MPZ: variants seen among roughly 807,000 people sequenced by gnomAD.
MPZ encodes myelin protein zero, also known as myelin protein P0.
In MPZ, 13 loss-of-function variants were observed where a neutral mutation model predicts 27.9. The observed-to-expected ratio is 0.47, with a 90% CI of 0.30 to 0.74. The LOEUF is 0.74. Ranked by LOEUF, MPZ falls within the 30% of genes least tolerant of loss-of-function variation. The probability of loss-of-function intolerance (pLI) is 0.06; values close to 1 mark genes in which losing one functional copy is unlikely to be tolerated. For synonymous variants in MPZ, 118 were observed against 128.9 expected (o/e 0.92, Z 0.57); for missense variants, 256 against 317.5 (o/e 0.81, Z 1.47).
At chr1:161,307,014 CAA>C (rs34621933) in intron 2 of MPZ, 93 bp from the exon 3 acceptor site, 14,330 of 217,998 alleles carry the variant, frequency 0.066, 11 homozygotes, top group African/African-American at 0.1. Flanking sequence ...AAGAAAAAAG[CAA>C]AAAAAAAAAA....
chr1:161,305,998 TCA>T (rs781604446), intron 5 of MPZ, 21 bp from the exon 6 acceptor site: 4 of 1,610,958 alleles, frequency 2.5e-6, no homozygotes, highest in Non-Finnish European at 8.5e-7. Context: ...GGCGCACACA[TCA>T]GTCACCGAGC....
rs1216096241 is a variant in MPZ, at chr1:161,304,913, TTTC to T, written c.*960_*962del. 2.4e-5 allele frequency: 3 copies of T among 127,298 alleles called. No homozygotes were observed. The highest frequency in any genetic ancestry group is 8.7e-5 in the African/African-American group (3 of 34,436). 7.9% of individuals were successfully genotyped at this position (127,298 alleles called of 1,614,324 possible). ...TTTTTGTTTGGTTGTTTAAAAACCATTTCTTAAGGCTCATTTGCCCCCTCCCCC... is the reference window on the plus strand; with the variant it reads ...TTTTTGTTTGGTTGTTTAAAAACCATTTAAGGCTCATTTGCCCCCTCCCCC... On this transcript the variant is annotated 3_prime_UTR_variant, in exon 6 of 6. Transcript: ENST00000533357.
intron 1 of MPZ, among the ~76,000 whole-genome samples, 196 bp downstream of exon 1, chr1:161,309,643 T>C (rs1332100870): frequency 6.6e-6 from 1 of 150,584 alleles, no homozygotes; most frequent in East Asian, 1.9e-4. Flanking sequence ...TATCCCACCT[T>C]GGCCTCCCAA....
At chr1:161,309,552 A>ATATATATATATATATATTTTTTTT in intron 1 of MPZ, among the ~76,000 whole-genome samples, 2 of 80,638 alleles carry the variant, frequency 2.5e-5, no homozygotes, top group African/African-American at 1.2e-4. Context: ...ATATATATAT[A>ATATATATATATATATATTTTTTTT]TTTTTTTTTT....
Position 161,309,917 on chromosome 1 carries a change from G to A in MPZ, c.-12C>T, listed in dbSNP as rs1670363798. 1.3e-6 allele frequency: 2 copies of A among 1,581,298 alleles called. No homozygotes were observed. The highest frequency in any genetic ancestry group is 1.3e-5 in the African/African-American group (1 of 74,732). On this transcript the variant is annotated 5_prime_UTR_variant, in exon 1 of 6. Coordinates refer to ENST00000533357, the MANE Select transcript of MPZ (RefSeq NM_000530.8). The stretch of plus-strand genomic sequence containing the variant: ...GCCCCAGGAGCCATAGCTGGGGCAG[G>A]GGCAGGGGCCCGGAGCATCTGTGGG...
intron 1 of MPZ, 75 bp downstream of exon 1, chr1:161,309,764 G>C: frequency 8.5e-7 from 1 of 1,177,658 alleles, no homozygotes; most frequent in Non-Finnish European, 1.2e-6. Context: ...GCAGTGGGGA[G>C]TGCAGCAAAG....
chr1:161,309,665 T>C (rs1032767226), intron 1 of MPZ, among the ~76,000 whole-genome samples, 174 bp downstream of exon 1: 3 of 151,316 alleles, frequency 2.0e-5, no homozygotes, highest in Non-Finnish European at 4.4e-5. Flanking sequence ...GTGCTGGGAT[T>C]ACAGGCATGA....
chr1:161,306,388 AAGC>A lies in MPZ; in HGVS notation c.522_524del (p.Leu175del). The A allele has an allele frequency of 6.2e-7, 1 of 1,614,136 alleles. No individual in the cohort carries two copies. Among genetic ancestry groups the A allele is most frequent in the Non-Finnish European group, 8.5e-7 (1 of 1,180,002 alleles). ...GCCAGCAGTACCGAACCACGTAGAA[AAGC>A]AGCAGCAGCAACAGCACCACCCCGA... On this transcript the variant is annotated inframe_deletion, in exon 4 of 6. Transcript: ENST00000533357.
intron 3 of MPZ, 71 bp from the exon 4 acceptor site, chr1:161,306,535 T>C (rs1670253176): frequency 3.1e-6 from 5 of 1,600,528 alleles, no homozygotes; most frequent in Admixed American, 1.7e-5. Flanking sequence ...TCCGAGTGTA[T>C]GCCCTGCATT....
rs960206447 is a variant in MPZ at position 161,307,974 on chromosome 1, A to C, written c.68-550T>G. Among the ~76,000 whole-genome samples the C allele has an allele frequency of 2.0e-5, 3 of 151,678 alleles. No homozygotes were observed. The South Asian group carries it at 6.2e-4, about 32-fold the overall frequency. On this transcript the variant is annotated intron_variant, in intron 1 of 5. Transcript: ENST00000533357. ...AAACTCAAGATATACACATACTTAC[A>C]ACAAATAGTTTTGTGGAGTTTTTTT...
At chr1:161,309,552 A>ATATATATATATATATATATTTT in intron 1 of MPZ, among the ~76,000 whole-genome samples, 1 of 80,664 alleles carries the variant, frequency 1.2e-5, no homozygotes, top group Non-Finnish European at 2.4e-5. Context: ...ATATATATAT[A>ATATATATATATATATATATTTT]TTTTTTTTTT....
At chr1:161,303,996 G>C (rs186312068), downstream of MPZ, among the ~76,000 whole-genome samples, 100 of 152,102 alleles carry the variant, frequency 6.6e-4, 1 homozygote, top group African/African-American at 2.3e-3. Context: ...GGGTTTTTTT[G>C]TGCCATCAGT....
In MPZ at chr1:161,307,712, T is replaced by C. The variant is rs553237391; in HGVS notation, c.68-288A>G. Among the ~76,000 whole-genome samples the C allele has an allele frequency of 1.5e-4, 23 of 152,360 alleles. No individual in the cohort carries two copies. In the South Asian group the frequency reaches 4.6e-3, roughly 30 times the overall value. ...TTCTGTCTTTAAGTCTCACTTCTCC[T>C]TTGGGTCAGTATCTAACTTTTAAGC... On this transcript the variant is annotated intron_variant, in intron 1 of 5. Transcript: ENST00000533357.
Position 161,307,324 on chromosome 1 carries a change from C to G in MPZ, c.168G>C (p.Glu56Asp), listed in dbSNP as rs757135674. Residue 56 changes from glutamate (E) to aspartate (D), a missense_variant, in exon 2 of 6, where the codon GAG (glutamate) becomes GAC (aspartate). By Grantham distance (45) the Glu-to-Asp change is conservative. Around this residue, in one of 2 missense-constraint regions of MPZ, gnomAD observed 155 missense variants for 223.9 expected, o/e 0.69. Transcript: ENST00000533357. ...VTLHCSFWSS[E>D]WVSDDISFTW... ...TGAAGGAGATGTCATCTGAGACCCA[C>G]TCACTGGACCAGAAGGAGCAGTGCA... The G allele has an allele frequency of 1.2e-6, 2 of 1,614,292 alleles. No homozygotes were observed. The highest frequency in any genetic ancestry group is 8.5e-7 in the Non-Finnish European group (1 of 1,180,054).
chr1:161,307,200 T>A, intron 2 of MPZ, 58 bp downstream of exon 2: 1 of 1,607,408 alleles, frequency 6.2e-7, no homozygotes, highest in Non-Finnish European at 8.5e-7. Context: ...GTTATCTTTT[T>A]TGTTGTTCTT....
In MPZ at chr1:161,305,302, G is replaced by A. The variant is rs1670203227; in HGVS notation, c.*574C>T. 1 of 156,384 alleles carries A rather than the reference G, an allele frequency of 6.4e-6. No homozygotes were observed. 9.7% of individuals were successfully genotyped at this position (156,384 alleles called of 1,614,324 possible). Reference sequence around the variant, plus strand: ...ACAGAGTATGGAGCTGGGCCACCTGGTAGAGGGGAGGGAGGGACGGGAGAG... The same window carrying A: ...ACAGAGTATGGAGCTGGGCCACCTGATAGAGGGGAGGGAGGGACGGGAGAG... On this transcript the variant is annotated 3_prime_UTR_variant, in exon 6 of 6. Transcript: ENST00000533357.
rs1180998665 is a variant in MPZ at position 161,307,350 on chromosome 1, G to A, written c.142C>T (p.Leu48=). The A allele has an allele frequency of 1.9e-5, 30 of 1,614,152 alleles. No homozygotes were observed. The highest frequency in any genetic ancestry group is 2.5e-5 in the Non-Finnish European group (30 of 1,180,058). ...VHGAVGSRVT[L]HCSFWSSEWV... is the part of the protein sequence containing the mutation. Reference sequence around the variant, plus strand: ...TCACTGGACCAGAAGGAGCAGTGCAGGGTCACCCGGGAGCCCACAGCACCA... The same window carrying A: ...TCACTGGACCAGAAGGAGCAGTGCAAGGTCACCCGGGAGCCCACAGCACCA... The change falls in exon 2 of 6, where the codon CTG becomes TTG. Residue 48 remains leucine, a synonymous_variant. Transcript: ENST00000533357.
Position 161,305,777 on chromosome 1 carries a change from C to G in MPZ, c.*99G>C. 1.1e-6 allele frequency: 1 copy of G among 888,420 alleles called. No individual in the cohort carries two copies. Among genetic ancestry groups the G allele is most frequent in the Admixed American group, 2.4e-5 (1 of 42,266 alleles). The allele number at this position is 888,420 out of a possible 1,614,324, so 55.0% of individuals were successfully genotyped here. On this transcript the variant is annotated 3_prime_UTR_variant, in exon 6 of 6. Coordinates refer to ENST00000533357, the MANE Select transcript of MPZ (RefSeq NM_000530.8). ...TGACAGCAGGCCGGAGCTCCGGGCT[C>G]TGCTCATCCTTTCGTAGCTCCATCT...
rs1245855004 is a variant in MPZ, at chr1:161,305,710, TGTTCTTGAGGGC to T, written c.*154_*165del. On this transcript the variant is annotated 3_prime_UTR_variant, in exon 6 of 6. Transcript: ENST00000533357. ...CACTTGTCCGAGTTCAGGCCCATCATGTTCTTGAGGGCGTTTTTGAGGCTGGTTCTGCTGGGG... is the reference window on the plus strand; with the variant it reads ...CACTTGTCCGAGTTCAGGCCCATCATGTTTTTGAGGCTGGTTCTGCTGGGG... The T allele has an allele frequency of 1.7e-6, 1 of 599,718 alleles. No homozygotes were observed. Among genetic ancestry groups the T allele is most frequent in the East Asian group, 2.8e-5 (1 of 35,742 alleles). 37.1% of individuals were successfully genotyped at this position (599,718 alleles called of 1,614,324 possible).
Sources: gnomAD v4.1 joint callset for allele counts (sites outside exome capture counted in the v4.1 genomes callset) on GRCh38, gnomAD v4.1.1 for gene constraint, gnomAD v4.1.1 regional missense constraint, MANE v1.5 for transcripts, NCBI Gene and HGNC (gene_info 2026-07-23, HGNC 2026-07-21) for gene names.